The following INTS2 variants were observed in gnomAD, a reference collection of about 807,000 sequenced individuals.
The protein encoded by INTS2 is KIAA1287.
A neutral mutation model predicts 139.6 loss-of-function variants in INTS2; 57 were observed. That is an observed-to-expected ratio of 0.41 (90% CI 0.33 to 0.51). INTS2 has a LOEUF of 0.51. INTS2 is among the 20% of genes least tolerant of loss of function. The probability of loss-of-function intolerance (pLI) is 0.28; values close to 1 mark genes in which losing one functional copy is unlikely to be tolerated. For synonymous variants in INTS2, 473 were observed against 493.4 expected (o/e 0.96, Z 0.55); for missense variants, 1,196 against 1,436.7 (o/e 0.83, Z 2.71).
Position 61,872,306 on chromosome 17 carries a change from C to T in INTS2, c.2737G>A (p.Val913Ile). ...GLVGQTDAPE[V>I]TREELKNALL... ...GCATTTTTCAATTCTTCCCTGGTAACTTCCGGAGCATCAGTTTGTCCAACT... is the reference window on the plus strand; with the variant it reads ...GCATTTTTCAATTCTTCCCTGGTAATTTCCGGAGCATCAGTTTGTCCAACT... Residue 913 changes from valine to isoleucine, a missense_variant, in exon 20 of 25, where the codon GTT becomes ATT. This residue lies in a region of INTS2 where 1,129 missense variants were observed against 1,341.9 expected (regional missense o/e 0.84). Coordinates refer to ENST00000251334, the MANE Select transcript of INTS2 (RefSeq NM_001351695.2). This position sits in a 1 kb window ranked among gnomAD's most constrained non-coding sequence, Gnocchi z 4.8. The T allele has an allele frequency of 6.2e-7, 1 of 1,613,084 alleles. No homozygotes were observed. Among genetic ancestry groups the T allele is most frequent in the Non-Finnish European group, 8.5e-7 (1 of 1,179,326 alleles).
chr17:61,880,205 G>A (rs1298154204), intron 17 of INTS2, among the ~76,000 whole-genome samples: 2 of 152,098 alleles, frequency 1.3e-5, no homozygotes, highest in Middle Eastern at 3.4e-3. Flanking sequence ...GACCACGCCC[G>A]GCTAATTTTT....
chr17:61,926,714 A>C, intron 1 of INTS2, 52 bp from the exon 2 acceptor site: 2 of 1,415,386 alleles, frequency 1.4e-6, no homozygotes, highest in Non-Finnish European at 2.0e-6. Context: ...ACATGTATGA[A>C]CACCCAACTT....
chr17:61,925,857 T>G (rs2079706343), intron 2 of INTS2, among the ~76,000 whole-genome samples: 1 of 151,684 alleles, frequency 6.6e-6, no homozygotes, highest in South Asian at 2.1e-4. Context: ...AAACCCCATC[T>G]CTACTAAAAA....
intron 12 of INTS2, chr17:61,894,330 T>C (rs886668148): frequency 1.3e-5 from 2 of 152,516 alleles, no homozygotes; most frequent in African/African-American, 2.4e-5. Flanking sequence ...ACCACATAAA[T>C]ATAAACAGAA....
chr17:61,913,840 T>C lies in INTS2; in HGVS notation c.650-1770A>G, dbSNP rs145723375. Among the ~76,000 whole-genome samples the C allele has an allele frequency of 1.1e-4, 16 of 152,210 alleles. No individual in the cohort carries two copies. The East Asian group carries it at 2.7e-3, about 26-fold the overall frequency. On this transcript the variant is annotated intron_variant, in intron 5 of 24. Transcript: ENST00000251334. ...CAAAAATGGTAAATGTGTGGATAAA[T>C]AGTATTTTCCTCTATATTTTTAGTC...
At chr17:61,887,885 T>A (rs766425794) in intron 15 of INTS2, among the ~76,000 whole-genome samples, 1 of 151,764 alleles carries the variant, frequency 6.6e-6, no homozygotes, top group African/African-American at 2.4e-5. Context: ...AAACTCCATC[T>A]CTACTACAAA....
intron 7 of INTS2, among the ~76,000 whole-genome samples, chr17:61,908,424 CAA>C (rs1231647180): frequency 2.6e-5 from 4 of 151,818 alleles, no homozygotes; most frequent in Non-Finnish European, 4.4e-5. Context: ...TCAAAAAAAA[CAA>C]AAGAGTTTAC....
intron 12 of INTS2, among the ~76,000 whole-genome samples, chr17:61,894,483 G>A (rs1478886248): frequency 6.6e-6 from 1 of 152,138 alleles, no homozygotes; most frequent in African/African-American, 2.4e-5. Flanking sequence ...TGTAATTCAG[G>A]AGTATATGTG....
At chr17:61,894,438 T>C (rs1330025864) in intron 12 of INTS2, among the ~76,000 whole-genome samples, 1 of 152,200 alleles carries the variant, frequency 6.6e-6, no homozygotes, top group Non-Finnish European at 1.5e-5. Flanking sequence ...AGACAAAAAA[T>C]AACTTATGAT....
At chr17:61,926,810 G>C (rs1426057568) in intron 1 of INTS2, 148 bp from the exon 2 acceptor site, 12 of 693,878 alleles carry the variant, frequency 1.7e-5, no homozygotes, top group African/African-American at 7.1e-5. Context: ...AGGCTTCTCT[G>C]TCTCCCTAGG....
chr17:61,899,371 C>T (rs1456554429), intron 9 of INTS2, among the ~76,000 whole-genome samples: 1 of 152,114 alleles, frequency 6.6e-6, no homozygotes, highest in African/African-American at 2.4e-5. Context: ...CTGCCTCAGC[C>T]TCCCGAGCAG....
At chr17:61,889,919 T>G in intron 14 of INTS2, 25 bp from the exon 15 acceptor site, 1 of 1,366,422 alleles carries the variant, frequency 7.3e-7, no homozygotes, top group Non-Finnish European at 1.0e-6. Context: ...ACAAATACTC[T>G]GAAATACTCT....
chr17:61,894,721 A>T (rs954794074), intron 12 of INTS2, among the ~76,000 whole-genome samples: 5 of 151,858 alleles, frequency 3.3e-5, no homozygotes, highest in Non-Finnish European at 7.4e-5. Context: ...GGTGGTGTGC[A>T]CCTCTAATCC....
At position 61,881,426 on chromosome 17, in the gene INTS2, G is replaced by A. The variant is rs147644305; in HGVS notation, c.2090-255C>T. Among the ~76,000 whole-genome samples the A allele has an allele frequency of 9.5e-3, 1,451 of 152,172 alleles. 18 individuals carry two copies. The highest frequency in any genetic ancestry group is 0.011 in the Non-Finnish European group (779 of 67,982). ...AGCCTGGCCAACATGGCAAAACCCCGTATCTACTAAAAATACAAATATTAG... is the reference window on the plus strand; with the variant it reads ...AGCCTGGCCAACATGGCAAAACCCCATATCTACTAAAAATACAAATATTAG... On this transcript the variant is annotated intron_variant, in intron 16 of 24. Coordinates refer to ENST00000251334, the MANE Select transcript of INTS2 (RefSeq NM_001351695.2).
chr17:61,890,368 T>C (rs1464133491), intron 14 of INTS2, among the ~76,000 whole-genome samples: 2 of 151,978 alleles, frequency 1.3e-5, no homozygotes, highest in Middle Eastern at 3.2e-3. Flanking sequence ...CCCAGCACTT[T>C]GGGAGGCTGA....
intron 16 of INTS2, among the ~76,000 whole-genome samples, chr17:61,884,470 A>C (rs1446474067): frequency 6.6e-6 from 1 of 152,118 alleles, no homozygotes; most frequent in Non-Finnish European, 1.5e-5. Context: ...TCCAGCCTGG[A>C]TGACAGAGTG....
chr17:61,904,449 T>C lies in INTS2; in HGVS notation c.1307+11A>G, dbSNP rs1447913124. On this transcript the variant is annotated intron_variant, in intron 9 of 24. Coordinates refer to ENST00000251334, the MANE Select transcript of INTS2 (RefSeq NM_001351695.2). ...CCTTGAGAAAATGGAGCAACTTATA[T>C]AGTTAGGTACCTGACAAGTGTAGAA... 2.5e-6 allele frequency: 4 copies of C among 1,575,156 alleles called. No homozygotes were observed. The highest frequency in any genetic ancestry group is 2.2e-5 in the East Asian group (1 of 44,490).
Position 61,926,661 on chromosome 17 carries a change from T to C in INTS2, c.-17A>G, listed in dbSNP as rs953113168. On this transcript the variant is annotated splice_region_variant and 5_prime_UTR_variant, in exon 2 of 25. Coordinates refer to ENST00000251334, the MANE Select transcript of INTS2 (RefSeq NM_001351695.2). Reference sequence around the variant, plus strand: ...TTCAGTCATTATTACTGTTTGTTGATCCTAATGGTAAAAATACAAATGAAA... The same window carrying C: ...TTCAGTCATTATTACTGTTTGTTGACCCTAATGGTAAAAATACAAATGAAA... 2 of 1,595,572 alleles carry C rather than the reference T, an allele frequency of 1.3e-6. No homozygotes were observed. Among genetic ancestry groups the C allele is most frequent in the East Asian group, 4.5e-5 (2 of 44,582 alleles).
At position 61,927,768 on chromosome 17, in the gene INTS2, C is replaced by G; in HGVS notation, c.-133G>C. The G allele has an allele frequency of 1.3e-6, 2 of 1,564,494 alleles. No homozygotes were observed. Among genetic ancestry groups the G allele is most frequent in the Non-Finnish European group, 1.7e-6 (2 of 1,156,260 alleles). On this transcript the variant is annotated 5_prime_UTR_variant, in exon 1 of 25. Transcript: ENST00000251334. ...TGTTGGGCCTAGGCGATATCCGGAA[C>G]CCCAAACCCTAGTTGTGCCTCGAGT...
Sources: gnomAD v4.1 joint callset for allele counts (sites outside exome capture counted in the v4.1 genomes callset) on GRCh38, gnomAD v4.1.1 for gene constraint, gnomAD v4.1.1 regional missense constraint, Gnocchi (gnomAD v3.1) non-coding constraint, MANE v1.5 for transcripts, NCBI Gene and HGNC (gene_info 2026-07-23, HGNC 2026-07-21) for gene names.